The following MAP7 variants were observed in gnomAD, a reference collection of about 807,000 sequenced individuals.
MAP7 encodes microtubule associated protein 7.
Under a neutral mutation model 94.8 loss-of-function variants are expected in MAP7, and 52 were observed. The ratio of observed to expected loss-of-function variants is 0.55; its 90% CI spans 0.44 to 0.69. The LOEUF (loss-of-function observed/expected upper bound fraction) is 0.69. Ranked by LOEUF, MAP7 falls within the 30% of genes least tolerant of loss-of-function variation. The probability of loss-of-function intolerance (pLI) is 0.00; values close to 1 mark genes in which losing one functional copy is unlikely to be tolerated. For synonymous variants in MAP7, 350 were observed against 357.0 expected (o/e 0.98, Z 0.22); for missense variants, 940 against 964.6 (o/e 0.97, Z 0.34).
chr6:136,525,687 T>A (rs918748100), intron 1 of MAP7: 9 of 794,024 alleles, frequency 1.1e-5, no homozygotes, highest in Middle Eastern at 3.8e-4. Context: ...ACAGAGGGTA[T>A]AAACACTACC....
intron 1 of MAP7, among the ~76,000 whole-genome samples, chr6:136,439,053 A>C (rs1023271020): frequency 1.3e-5 from 2 of 152,222 alleles, no homozygotes; most frequent in Non-Finnish European, 2.9e-5. Flanking sequence ...TTTTATGTTC[A>C]ACTGCACTAT....
rs1786860756 is a variant in MAP7 at position 136,343,023 on chromosome 6, CT to C, written c.*1204del. 1 of 152,494 alleles carries C rather than the reference CT, an allele frequency of 6.6e-6. No individual in the cohort carries two copies. The highest frequency in any genetic ancestry group is 2.4e-5 in the African/African-American group (1 of 41,454). The allele number at this position is 152,494 out of a possible 1,614,324, so 9.4% of individuals were successfully genotyped here. A position where few individuals can be genotyped will look rare whatever the true frequency, so the allele number is the denominator to read the frequency against. On this transcript the variant is annotated 3_prime_UTR_variant, in exon 18 of 18. Coordinates refer to ENST00000354570, the MANE Select transcript of MAP7 (RefSeq NM_003980.6). The stretch of plus-strand genomic sequence containing the variant: ...GCACATTACAGTGGTATAAATTTAT[CT>C]TTTAAACACTCCACATAAAAACATG...
chr6:136,535,813 T>C (rs928175695), intron 1 of MAP7, among the ~76,000 whole-genome samples: 6 of 151,844 alleles, frequency 4.0e-5, no homozygotes, highest in East Asian at 1.9e-4. Context: ...TTGTTACATA[T>C]GTATACCTGT....
intron 8 of MAP7, among the ~76,000 whole-genome samples, chr6:136,369,395 G>A (rs1226768673): frequency 1.3e-5 from 2 of 152,120 alleles, no homozygotes; most frequent in Non-Finnish European, 2.9e-5. Flanking sequence ...CCTACATGGC[G>A]AAACCCTCTC....
intron 1 of MAP7, among the ~76,000 whole-genome samples, chr6:136,451,856 G>C (rs1801219902): frequency 6.6e-6 from 1 of 152,190 alleles, no homozygotes; most frequent in East Asian, 1.9e-4. Flanking sequence ...AAGAGAACTA[G>C]AATTAGAAGG....
intron 8 of MAP7, among the ~76,000 whole-genome samples, chr6:136,368,485 G>A (rs1370256629): frequency 3.9e-5 from 6 of 152,174 alleles, no homozygotes; most frequent in Admixed American, 6.5e-5. Flanking sequence ...CAACAGAGAC[G>A]ATTCACTGAC....
At chr6:136,528,773 C>T (rs118184104) in intron 1 of MAP7, among the ~76,000 whole-genome samples, 1 of 152,200 alleles carries the variant, frequency 6.6e-6, no homozygotes, top group Non-Finnish European at 1.5e-5. Flanking sequence ...TAAATCCTGA[C>T]CCCAACATCA....
chr6:136,454,329 C>G (rs1374381472), intron 1 of MAP7, among the ~76,000 whole-genome samples: 5 of 118,542 alleles, frequency 4.2e-5, no homozygotes, highest in Admixed American at 2.5e-4. Flanking sequence ...CTATCTGAGA[C>G]AGGGTCTTAC....
At chr6:136,388,708 A>G (rs77309522) in intron 4 of MAP7, among the ~76,000 whole-genome samples, 198 bp from the exon 5 acceptor site, 7,287 of 152,248 alleles carry the variant, frequency 0.048, 352 homozygotes, top group African/African-American at 0.12. Context: ...CCCAGTTCAT[A>G]AAGCCCTTGG....
intron 1 of MAP7, among the ~76,000 whole-genome samples, chr6:136,488,742 C>T (rs756965923): frequency 5.3e-5 from 8 of 151,838 alleles, no homozygotes; most frequent in Admixed American, 2.0e-4. Context: ...CATGCCTGGC[C>T]GCTAGGTACT....
chr6:136,510,302 C>A (rs1050043668), intron 1 of MAP7, among the ~76,000 whole-genome samples: 3 of 152,148 alleles, frequency 2.0e-5, no homozygotes, highest in African/African-American at 7.2e-5. Flanking sequence ...AAACGACCCA[C>A]ACAGCTGGTT....
rs370613031 is a variant in MAP7, at chr6:136,389,531, T to TA, written c.245-15dup. The TA allele has an allele frequency of 0.02, 30,199 of 1,514,764 alleles. 93 individuals are homozygous for TA. The highest frequency in any genetic ancestry group is 0.063 in the African/African-American group (4,131 of 65,312). 93.8% of individuals were successfully genotyped at this position (1,514,764 alleles called of 1,614,324 possible). A position where few individuals can be genotyped will look rare whatever the true frequency, so the allele number is the denominator to read the frequency against. On this transcript the variant is annotated splice_polypyrimidine_tract_variant and intron_variant, in intron 3 of 17. Coordinates refer to ENST00000354570, the MANE Select transcript of MAP7 (RefSeq NM_003980.6). ...TTTCTCTTGCAGCTTTGGGGAGGGT[T>TA]AAAAAAAAAAAAAAAGAGGGAAATC...
chr6:136,388,096 A>G (rs1210387871), intron 5 of MAP7, among the ~76,000 whole-genome samples: 3 of 152,228 alleles, frequency 2.0e-5, no homozygotes, highest in Non-Finnish European at 2.9e-5. Context: ...CCTAATGCAA[A>G]TAGAAGACTA....
At chr6:136,460,521 C>T (rs1265076316) in intron 1 of MAP7, among the ~76,000 whole-genome samples, 2 of 152,130 alleles carry the variant, frequency 1.3e-5, no homozygotes, top group Non-Finnish European at 2.9e-5. Flanking sequence ...CTTCCTAATT[C>T]GTCACCTAAA....
intron 6 of MAP7, 133 bp downstream of exon 6, chr6:136,383,538 T>C (rs189208222): frequency 4.0e-5 from 21 of 520,940 alleles, no homozygotes; most frequent in Admixed American, 8.3e-5. Flanking sequence ...GCTTTTTTAC[T>C]CTGAAGTTTT....
intron 15 of MAP7, among the ~76,000 whole-genome samples, chr6:136,357,697 T>C (rs1329606119): frequency 3.9e-5 from 6 of 152,198 alleles, no homozygotes. Context: ...AGGGTCTTGC[T>C]ATGTTGCCCA....
intron 3 of MAP7, among the ~76,000 whole-genome samples, chr6:136,403,042 T>C (rs1562359993): frequency 6.6e-6 from 1 of 152,082 alleles, no homozygotes; most frequent in East Asian, 1.9e-4. Context: ...AGGGCAATGG[T>C]TGTCCTTGGA....
intron 7 of MAP7, among the ~76,000 whole-genome samples, chr6:136,377,004 C>T (rs1776357669): frequency 6.6e-6 from 1 of 152,150 alleles, no homozygotes; most frequent in Non-Finnish European, 1.5e-5. Flanking sequence ...AATCAACTCA[C>T]CAGGAGAGAT....
chr6:136,484,117 G>A (rs182772121), intron 1 of MAP7, among the ~76,000 whole-genome samples: 2 of 152,256 alleles, frequency 1.3e-5, no homozygotes, highest in South Asian at 2.1e-4. Flanking sequence ...CTTGGCTCAC[G>A]CGAAGCCCTG....
Sources: allele counts gnomAD v4.1 joint callset (sites outside exome capture counted in the v4.1 genomes callset), GRCh38; gene constraint gnomAD v4.1.1; transcripts MANE v1.5; gene names NCBI Gene and HGNC (gene_info 2026-07-23, HGNC 2026-07-21).